Variants in COX16 observed in about 807,000 individuals in gnomAD.
COX16 encodes cytochrome c oxidase assembly factor COX16, also known as cytochrome c oxidase assembly protein COX16 homolog, mitochondrial.
In COX16, 12 loss-of-function variants were observed where a neutral mutation model predicts 15.4. That is an observed-to-expected ratio of 0.78 (90% CI 0.50 to 1.26). The LOEUF is 1.26. COX16 is among the 50% of genes most tolerant of loss of function. COX16 has a pLI of 0.00. For missense variants in COX16, 124 were observed against 127.6 expected (o/e 0.97, Z 0.14); for synonymous variants, 46 against 41.1 (o/e 1.12, Z -0.46).
chr14:70,326,618 A>G (rs554471715), intron 3 of COX16, among the ~76,000 whole-genome samples, 169 bp from the exon 4 acceptor site: 72 of 152,134 alleles, frequency 4.7e-4, no homozygotes, highest in South Asian at 3.9e-3. Context: ...TCATCTTAAG[A>G]TTTAGAACTT....
At position 70,359,387 on chromosome 14, in the gene COX16, C is replaced by A. The variant is rs1056659530; in HGVS notation, c.69+132G>T. The A allele has an allele frequency of 8.9e-6, 7 of 783,838 alleles. No individual in the cohort carries two copies. The African/African-American group carries it at 1.0e-4, about 11-fold the overall frequency. The allele number at this position is 783,838 out of a possible 1,614,324, so 48.6% of individuals were successfully genotyped here. ...GGAAGAGCTTTTAGGAAAGCTCTCA[C>A]CCCGTCGCTAGCTCCTTCCTAGCCC... is the stretch of plus-strand genomic sequence containing the variant. On this transcript the variant is annotated intron_variant, in intron 1 of 3. Transcript: ENST00000389912.
chr14:70,352,332 A>T (rs755073595), intron 1 of COX16, among the ~76,000 whole-genome samples: 12 of 151,844 alleles, frequency 7.9e-5, no homozygotes, highest in Non-Finnish European at 1.3e-4. Context: ...GATTACAAGC[A>T]TCCACTGCCA....
At chr14:70,326,864 AAAAAG>A (rs1335435802) in intron 3 of COX16, among the ~76,000 whole-genome samples, 1 of 152,210 alleles carries the variant, frequency 6.6e-6, no homozygotes, top group African/African-American at 2.4e-5. Context: ...GTCTTCTACA[AAAAAG>A]AAAAGAGACC....
At chr14:70,336,187 C>T (rs1421137785) in intron 2 of COX16, among the ~76,000 whole-genome samples, 7 of 152,116 alleles carry the variant, frequency 4.6e-5, no homozygotes, top group African/African-American at 7.2e-5. Context: ...ACCCAGGAGG[C>T]GGAAGTTGCA....
intron 1 of COX16, among the ~76,000 whole-genome samples, chr14:70,352,479 A>G (rs1331820242): frequency 9.6e-4 from 145 of 151,800 alleles, no homozygotes; most frequent in Non-Finnish European, 5.9e-5. Context: ...GAGCCACCAC[A>G]CCCAGTGGAG....
rs201221704 is a variant in COX16, at chr14:70,329,055, T to C, written c.204+119A>G. The C allele has an allele frequency of 3.8e-5, 30 of 787,464 alleles. 2 individuals are homozygous for C. Among genetic ancestry groups the C allele is most frequent in the Admixed American group, 7.2e-5 (2 of 27,780 alleles). 48.8% of individuals were successfully genotyped at this position (787,464 alleles called of 1,614,324 possible). A position where few individuals can be genotyped will look rare whatever the true frequency, so the allele number is the denominator to read the frequency against. ...TTTTTATTTGCTTTTCAAATGATTA[T>C]AGTTTATCAAATACCATATATATTC... On this transcript the variant is annotated intron_variant, in intron 3 of 3. Coordinates refer to ENST00000389912, the MANE Select transcript of COX16 (RefSeq NM_016468.7).
intron 1 of COX16, chr14:70,359,155 T>C: frequency 4.3e-6 from 2 of 466,184 alleles, no homozygotes; most frequent in South Asian, 1.5e-5. Flanking sequence ...GCAAGCTTAG[T>C]AATCATCCAA....
chr14:70,326,587 A>G (rs748710569), intron 3 of COX16, 138 bp from the exon 4 acceptor site: 19 of 518,618 alleles, frequency 3.7e-5, no homozygotes, highest in Non-Finnish European at 5.7e-5. Flanking sequence ...AAATAAATCA[A>G]CTACAATCAT....
intron 2 of COX16, among the ~76,000 whole-genome samples, chr14:70,339,464 CGGTT>C (rs1356614513): frequency 6.6e-6 from 1 of 152,022 alleles, no homozygotes; most frequent in African/African-American, 2.4e-5. Context: ...CAAACAATGA[CGGTT>C]GGTCACCCCA....
intron 1 of COX16, among the ~76,000 whole-genome samples, chr14:70,352,657 T>TC (rs1487278317): frequency 7.0e-6 from 1 of 142,402 alleles, no homozygotes; most frequent in Non-Finnish European, 1.5e-5. Flanking sequence ...TTTTTTTTTT[T>TC]TTTTTTGAGA....
At chr14:70,339,764 T>C (rs1456774042) in intron 2 of COX16, among the ~76,000 whole-genome samples, 4 of 152,190 alleles carry the variant, frequency 2.6e-5, no homozygotes, top group African/African-American at 9.7e-5. Context: ...CACTGACTCT[T>C]GATCACCTGA....
chr14:70,341,375 T>C (rs970694369), intron 2 of COX16, among the ~76,000 whole-genome samples: 1 of 152,234 alleles, frequency 6.6e-6, no homozygotes, highest in Non-Finnish European at 1.5e-5. Flanking sequence ...GGAAACTGAA[T>C]AGGACTTTAT....
intron 1 of COX16, among the ~76,000 whole-genome samples, chr14:70,352,632 TTTC>T (rs1481095325): frequency 7.8e-6 from 1 of 128,752 alleles, no homozygotes; most frequent in Non-Finnish European, 1.6e-5. Context: ...CACAAATATA[TTTC>T]TTTTTTTTTC....
Position 70,356,654 on chromosome 14 carries a change from C to CA in COX16, c.69+2864dup, listed in dbSNP as rs145433837. On this transcript the variant is annotated intron_variant, in intron 1 of 3. Transcript: ENST00000389912. ...CAAACAACAACAGATTTTCTTGAAA[C>CA]AAATGGAAAATTAGAAAATCTCGCC... 3.5e-3 allele frequency among the ~76,000 whole-genome samples: 527 copies of CA among 152,094 alleles called. 7 individuals carry two copies. The highest frequency in any genetic ancestry group is 3.2e-3 in the Non-Finnish European group (219 of 67,972).
At chr14:70,330,029 G>T (rs527966047) in intron 2 of COX16, among the ~76,000 whole-genome samples, 2 of 151,846 alleles carry the variant, frequency 1.3e-5, no homozygotes, top group Non-Finnish European at 2.9e-5. Flanking sequence ...GGGAGGGAGA[G>T]CAATAATTAA....
intron 1 of COX16, among the ~76,000 whole-genome samples, chr14:70,348,385 C>T (rs1449219580): frequency 2.0e-5 from 3 of 152,190 alleles, no homozygotes; most frequent in Non-Finnish European, 4.4e-5. Flanking sequence ...CTGCCATGCT[C>T]TTTCCTGAAG....
At chr14:70,332,582 C>G (rs1594909677) in intron 2 of COX16, among the ~76,000 whole-genome samples, 1 of 152,222 alleles carries the variant, frequency 6.6e-6, no homozygotes, top group Admixed American at 6.5e-5. Flanking sequence ...GCACACCCAC[C>G]TGAGCCAATG....
intron 1 of COX16, among the ~76,000 whole-genome samples, chr14:70,350,507 T>C (rs1370959209): frequency 6.6e-6 from 1 of 152,182 alleles, no homozygotes; most frequent in Admixed American, 6.5e-5. Context: ...GGGTCACCTC[T>C]CACCTCATAT....
At chr14:70,340,223 C>G (rs1207972192) in intron 2 of COX16, among the ~76,000 whole-genome samples, 1 of 152,164 alleles carries the variant, frequency 6.6e-6, no homozygotes, top group Non-Finnish European at 1.5e-5. Context: ...GGATTTCCCC[C>G]TTTGTTAGGC....
Sources: gnomAD v4.1 joint callset for allele counts (sites outside exome capture counted in the v4.1 genomes callset) on GRCh38, gnomAD v4.1.1 for gene constraint, MANE v1.5 for transcripts, NCBI Gene and HGNC (gene_info 2026-07-23, HGNC 2026-07-21) for gene names.